The following GBP3 variants were observed in gnomAD, a reference collection of about 807,000 sequenced individuals.
GBP3 encodes guanylate binding protein 3.
GBP3 carries 55 observed loss-of-function variants against 62.4 expected under a neutral mutation model. The ratio of observed to expected loss-of-function variants is 0.88; its 90% confidence interval spans 0.71 to 1.10. GBP3 has a LOEUF of 1.10. Among genes scored for constraint, GBP3 ranks in the 50% least tolerant of loss-of-function variants. GBP3 has a pLI of 0.00. For synonymous variants in GBP3, 208 were observed against 259.2 expected, an observed-to-expected ratio of 0.80 and a Z score of 1.90; for missense variants, 605 against 690.6, an observed-to-expected ratio of 0.88 and a Z score of 1.39.
intron 1 of GBP3, among the ~76,000 whole-genome samples, chr1:89,021,271 G>A (rs751137073): frequency 6.6e-6 from 1 of 152,072 alleles, no homozygotes; most frequent in Non-Finnish European, 1.5e-5. Context: ...ACTTCTCACA[G>A]TGCCATTCTG....
rs750930105 is a variant in GBP3, at chr1:89,013,298, T to A, written c.755A>T (p.Gln252Leu). The A allele has an allele frequency of 6.8e-6, 11 of 1,614,214 alleles. No homozygotes were observed. The highest frequency in any genetic ancestry group is 9.3e-6 in the Non-Finnish European group (11 of 1,180,028). Reference sequence around the variant, plus strand: ...AAATTCAGGGTCCAGCTCTTCATCTTGTAGTTTCTCAAGCTGGGCAAGCTT... The same window carrying A: ...AAATTCAGGGTCCAGCTCTTCATCTAGTAGTTTCTCAAGCTGGGCAAGCTT... Reference protein sequence around the residue: ...RRKLAQLEKLQDEELDPEFVQ... With the variant: ...RRKLAQLEKLLDEELDPEFVQ... Residue 252 changes from glutamine to leucine, a missense_variant, in exon 6 of 11, where the codon CAA becomes CTA. Gln to Leu is a moderately radical substitution (Grantham distance 113). Transcript: ENST00000370481.
In GBP3 at chr1:89,009,392, C is replaced by CTT; in HGVS notation, c.1463_1464dup (p.Val489LysfsTer5). On this transcript the variant is annotated frameshift_variant and splice_region_variant, in exon 9 of 11. Transcript: ENST00000370481. LOFTEE classifies it high-confidence loss of function. ...TCTGATCCTTTGACTTGCTCCTCAC[C>CTT]TTCAATCTCCTTTTCCTTTTCTGTG... The CTT allele has an allele frequency of 1.9e-6, 3 of 1,613,560 alleles. No individual in the cohort carries two copies. Among genetic ancestry groups the CTT allele is most frequent in the Non-Finnish European group, 2.5e-6 (3 of 1,179,510 alleles).
chr1:89,015,151 G>T, intron 3 of GBP3, 136 bp downstream of exon 3: 1 of 813,186 alleles, frequency 1.2e-6, no homozygotes, highest in Non-Finnish European at 1.9e-6. Flanking sequence ...TGCTAAGTTT[G>T]GCCTTATGAC....
At position 89,014,646 on chromosome 1, in the gene GBP3, T is replaced by G. The variant is rs745529202; in HGVS notation, c.329A>C (p.Gln110Pro). 1 of 1,614,114 alleles carries G rather than the reference T, an allele frequency of 6.2e-7. No individual in the cohort carries two copies. Among genetic ancestry groups the G allele is most frequent in the Admixed American group, 1.7e-5 (1 of 60,018 alleles). The change falls in exon 4 of 11, where the codon CAG becomes CCG. Residue 110 changes from glutamine (Q) to proline (P), a missense_variant. Physicochemically the swap from Gln to Pro is moderately conservative, Grantham distance 76 (BLOSUM62 -1). This residue lies in a region of GBP3 where 308 missense variants were observed against 318.0 expected (regional missense o/e 0.97). Transcript: ENST00000370481. ...CAGGGTGAAGATCCAGGAGTCATTC[T>G]GGTTGTCACCCTGGAAGTCAAGACA... Reference protein sequence around the residue: ...GLGDVKKGDNQNDSWIFTLAV... With the variant: ...GLGDVKKGDNPNDSWIFTLAV...
chr1:89,021,510 G>GCGCGCA lies in GBP3; in HGVS notation c.-22-768_-22-767insTGCGCG, dbSNP rs751639388. ...CTAAGAAACACGCATGCGCGCGCGC[G>GCGCGCA]CACACACACACACACACACACACAC... On this transcript the variant is annotated intron_variant, in intron 1 of 10. Transcript: ENST00000370481. Among the ~76,000 whole-genome samples the GCGCGCA allele has an allele frequency of 7.7e-4, 102 of 131,738 alleles. 1 individual carries two copies. The highest frequency in any genetic ancestry group is 1.7e-3 in the Admixed American group (22 of 13,128). 86.4% of individuals were successfully genotyped at this position (131,738 alleles called of 152,430 possible). A position where few individuals can be genotyped will look rare whatever the true frequency, so the allele number is the denominator to read the frequency against.
intron 9 of GBP3, 22 bp from the exon 10 acceptor site, chr1:89,009,162 T>C (rs1204297531): frequency 6.2e-7 from 1 of 1,609,698 alleles, no homozygotes; most frequent in Non-Finnish European, 8.5e-7. Context: ...GAAGAAACAT[T>C]TGTGTGGAGT....
chr1:89,014,541 G>A lies in GBP3; in HGVS notation c.428+6C>T. The stretch of plus-strand genomic sequence containing the variant: ...CTTGGTGCTGTTCTGGGTCACAAAA[G>A]GATACTACAGTTGGTCCATAGCCTG... On this transcript the variant is annotated splice_donor_region_variant and intron_variant, in intron 4 of 10. Transcript: ENST00000370481. 6.2e-7 allele frequency: 1 copy of A among 1,614,012 alleles called. No homozygotes were observed. Among genetic ancestry groups the A allele is most frequent in the Non-Finnish European group, 8.5e-7 (1 of 1,179,920 alleles).
Sources: gnomAD v4.1 joint callset for allele counts (sites outside exome capture counted in the v4.1 genomes callset) on GRCh38, gnomAD v4.1.1 for gene constraint, gnomAD v4.1.1 regional missense constraint, MANE v1.5 for transcripts, NCBI Gene and HGNC (gene_info 2026-07-23, HGNC 2026-07-21) for gene names.